Variants in RGS6 observed in about 807,000 individuals in gnomAD.
RGS6 encodes the protein regulator of G protein signaling 6, also known as regulator of G-protein signaling 6.
Under a neutral mutation model 78.5 loss-of-function variants are expected in RGS6, and 30 were observed. The ratio of observed to expected loss-of-function variants is 0.38; its 90% CI spans 0.29 to 0.52. RGS6 has a LOEUF of 0.52. RGS6 is among the 20% of genes least tolerant of loss of function. The probability of loss-of-function intolerance (pLI) is 0.85; values close to 1 mark genes in which losing one functional copy is unlikely to be tolerated. For missense variants in RGS6, 495 were observed against 609.7 expected, an observed-to-expected ratio of 0.81 and a Z score of 1.98; for synonymous variants, 206 against 206.0, an observed-to-expected ratio of 1.00 and a Z score of 0.00.
intron 2 of RGS6, among the ~76,000 whole-genome samples, chr14:72,114,171 CAG>C (rs980263947): frequency 6.6e-6 from 1 of 152,142 alleles, no homozygotes. Context: ...GTGTGTCAGA[CAG>C]AGAGAGAGGT....
chr14:71,950,439 TGTAAA>T (rs2092169187), intron 1 of RGS6, among the ~76,000 whole-genome samples: 1 of 152,154 alleles, frequency 6.6e-6, no homozygotes, highest in Admixed American at 6.6e-5. Flanking sequence ...GGATTAAAGA[TGTAAA>T]GTAAAACCAA....
chr14:72,141,710 C>A (rs899088950), intron 2 of RGS6, among the ~76,000 whole-genome samples: 7 of 152,110 alleles, frequency 4.6e-5, no homozygotes, highest in Non-Finnish European at 7.4e-5. Context: ...TAGCCCATCA[C>A]TTCTTGCTGG....
At position 72,177,267 on chromosome 14, in the gene RGS6, G is replaced by A. The variant is rs753119610; in HGVS notation, c.85-174828G>A. ...AAGATTCGAATTATAGGTTCCATAG[G>A]CCACATATAGGTAGGCCTATTTGTA... On this transcript the variant is annotated intron_variant, in intron 2 of 17. Transcript: ENST00000553525. 1.2e-3 allele frequency among the ~76,000 whole-genome samples: 185 copies of A among 152,058 alleles called. 1 individual carries two copies. Among genetic ancestry groups the A allele is most frequent in the Non-Finnish European group, 1.8e-3 (123 of 68,002 alleles).
intron 2 of RGS6, among the ~76,000 whole-genome samples, chr14:72,250,408 A>G (rs1209979011): frequency 6.6e-6 from 1 of 151,362 alleles, no homozygotes; most frequent in Non-Finnish European, 1.5e-5. Flanking sequence ...CGAAAAAAAA[A>G]AAAAACCCCA....
Position 72,231,769 on chromosome 14 carries a change from C to G in RGS6, c.85-120326C>G, listed in dbSNP as rs79768580. Among the ~76,000 whole-genome samples the G allele has an allele frequency of 6.6e-5, 10 of 151,410 alleles. No individual in the cohort carries two copies. The South Asian group carries it at 1.9e-3, about 29-fold the overall frequency. ...ATGAATATATAGGGAAGAGCGTGTT[C>G]GAGAGAAAGAACATGGTGTGTGCAA... On this transcript the variant is annotated intron_variant, in intron 2 of 17. Coordinates refer to ENST00000553525, the MANE Select transcript of RGS6 (RefSeq NM_001204424.2).
intron 2 of RGS6, among the ~76,000 whole-genome samples, chr14:72,136,239 T>C (rs548837302): frequency 6.6e-6 from 1 of 152,022 alleles, no homozygotes; most frequent in African/African-American, 2.4e-5. Context: ...GAAGAGACAC[T>C]CTCTATATTG....
In RGS6 at chr14:72,474,639, C is replaced by T. The variant is rs1257586243; in HGVS notation, c.633C>T (p.Asn211=). 9 of 1,609,550 alleles carry T rather than the reference C, an allele frequency of 5.6e-6. No homozygotes were observed. Among genetic ancestry groups the T allele is most frequent in the Non-Finnish European group, 6.8e-6 (8 of 1,178,518 alleles). The change falls in exon 10 of 18, where the codon AAC becomes AAT. Residue 211 remains asparagine (N), a synonymous_variant. Transcript: ENST00000553525. ...TTTTTTCTCAGCCAGGCTGTGTGAA[C>T]ACAACAGAAATGGATATCCGAAAAT... ...DVHRPVPGCV[N]TTEMDIRKCR...
At chr14:71,934,914 G>GGA (rs1191630257) in intron 1 of RGS6, among the ~76,000 whole-genome samples, 1 of 152,192 alleles carries the variant, frequency 6.6e-6, no homozygotes, top group Non-Finnish European at 1.5e-5. Context: ...GATGGAATAA[G>GGA]GAGCTGTGTG....
chr14:72,534,008 T>C (rs1254866466), intron 15 of RGS6, among the ~76,000 whole-genome samples: 1 of 152,258 alleles, frequency 6.6e-6, no homozygotes, highest in Non-Finnish European at 1.5e-5. Context: ...GAAGTTCTAC[T>C]GTAGGTAAAA....
At position 72,377,842 on chromosome 14, in the gene RGS6, G is replaced by A. The variant is rs535857097; in HGVS notation, c.184+25648G>A. Among the ~76,000 whole-genome samples the A allele has an allele frequency of 2.6e-5, 4 of 152,234 alleles. No homozygotes were observed. In the South Asian group the frequency reaches 8.3e-4, roughly 32 times the overall value. ...AAGATTAAAAAATTAACCACCCGTG[G>A]TGCTGCACACCTGTGGTCCCAGCTA... On this transcript the variant is annotated intron_variant, in intron 3 of 17. Transcript: ENST00000553525.
intron 2 of RGS6, among the ~76,000 whole-genome samples, chr14:72,248,406 T>A (rs1027641703): frequency 3.3e-5 from 5 of 152,210 alleles, no homozygotes; most frequent in Non-Finnish European, 7.3e-5. Flanking sequence ...CCTATTTATG[T>A]TAACATATGA....
At chr14:72,050,172 T>C (rs999549529) in intron 2 of RGS6, among the ~76,000 whole-genome samples, 3 of 152,200 alleles carry the variant, frequency 2.0e-5, no homozygotes, top group Non-Finnish European at 2.9e-5. Context: ...TAATTGATGG[T>C]ATATAAGAAA....
At chr14:71,979,242 GT>G (rs1195665962) in intron 2 of RGS6, among the ~76,000 whole-genome samples, 1 of 149,220 alleles carries the variant, frequency 6.7e-6, no homozygotes, top group East Asian at 2.0e-4. Flanking sequence ...TTTTTGAAGG[GT>G]TTTTTGTGTC....
intron 2 of RGS6, among the ~76,000 whole-genome samples, chr14:72,256,028 G>C (rs895796443): frequency 6.6e-6 from 1 of 152,166 alleles, no homozygotes; most frequent in African/African-American, 2.4e-5. Context: ...TTACAGCCCA[G>C]TGGTTCTTCT....
intron 2 of RGS6, among the ~76,000 whole-genome samples, chr14:72,328,850 A>G (rs2074365091): frequency 6.6e-6 from 1 of 152,194 alleles, no homozygotes; most frequent in South Asian, 2.1e-4. Flanking sequence ...ACTCACTTGC[A>G]TATACTATTT....
At chr14:72,359,320 C>A (rs1376950668) in intron 3 of RGS6, among the ~76,000 whole-genome samples, 1 of 151,464 alleles carries the variant, frequency 6.6e-6, no homozygotes, top group Non-Finnish European at 1.5e-5. Context: ...GCTTCAGCAA[C>A]TGGAAAAATG....
At chr14:72,154,327 T>C (rs2096739087) in intron 2 of RGS6, among the ~76,000 whole-genome samples, 1 of 152,224 alleles carries the variant, frequency 6.6e-6, no homozygotes, top group East Asian at 1.9e-4. Flanking sequence ...AACACAATTA[T>C]CACAGTGATC....
At chr14:72,590,959 A>T in the RGS6 span, among the ~76,000 whole-genome samples, 1,688 of 152,316 alleles carry the variant, frequency 0.011, 50 homozygotes, top group East Asian at 0.06. Context: ...TACCATTTTT[A>T]TTTACTATGT....
the RGS6 span, among the ~76,000 whole-genome samples, chr14:72,616,666 A>G: frequency 3.9e-5 from 6 of 152,178 alleles, no homozygotes; most frequent in South Asian, 2.1e-4. Flanking sequence ...ATTGAGGTTC[A>G]GGGAGGTTAG....
Sources: gnomAD v4.1 joint callset for allele counts (sites outside exome capture counted in the v4.1 genomes callset) on GRCh38, gnomAD v4.1.1 for gene constraint, MANE v1.5 for transcripts, NCBI Gene and HGNC (gene_info 2026-07-23, HGNC 2026-07-21) for gene names.